PLD5: variants seen among roughly 807,000 people sequenced by gnomAD.
PLD5 encodes phospholipase D family member 5.
A neutral mutation model predicts 61.1 loss-of-function variants in PLD5; 36 were observed. The ratio of observed to expected loss-of-function variants is 0.59; its 90% CI spans 0.45 to 0.78. The LOEUF (loss-of-function observed/expected upper bound fraction) is 0.78. Ranked by LOEUF, PLD5 falls within the 30% of genes least tolerant of loss-of-function variation. The probability of loss-of-function intolerance (pLI) is 0.00; values close to 1 mark genes in which losing one functional copy is unlikely to be tolerated. For synonymous variants in PLD5, 243 were observed against 242.8 expected (o/e 1.00, Z -0.01); for missense variants, 515 against 644.4 (o/e 0.80, Z 2.17).
At chr1:242,118,218 G>T (rs897843203) in intron 6 of PLD5, among the ~76,000 whole-genome samples, 5 of 152,118 alleles carry the variant, frequency 3.3e-5, no homozygotes, top group African/African-American at 1.2e-4. Context: ...CACTTTTTGA[G>T]CCTCTGTTTC....
At chr1:242,250,645 G>A (rs2149080910) in intron 4 of PLD5, among the ~76,000 whole-genome samples, 1 of 152,258 alleles carries the variant, frequency 6.6e-6, no homozygotes, top group Middle Eastern at 3.4e-3. Flanking sequence ...TACTAGTTAT[G>A]TACTACTTTA....
chr1:242,111,628 A>G (rs564872861), intron 7 of PLD5, among the ~76,000 whole-genome samples: 3 of 152,264 alleles, frequency 2.0e-5, no homozygotes, highest in African/African-American at 7.2e-5. Context: ...CTATTTATTA[A>G]AGTTGAATTC....
At chr1:242,139,337 C>T (rs766697361) in intron 5 of PLD5, among the ~76,000 whole-genome samples, 5 of 151,890 alleles carry the variant, frequency 3.3e-5, no homozygotes, top group Non-Finnish European at 7.4e-5. Flanking sequence ...TTATATTGTT[C>T]CAATTCAGAA....
At chr1:242,383,954 C>T (rs11590521) in intron 1 of PLD5, among the ~76,000 whole-genome samples, 65,685 of 152,006 alleles carry the variant, frequency 0.43, 14,624 homozygotes, top group East Asian at 0.59. Context: ...CTTCCACTGT[C>T]ACCTCAGGCT....
chr1:242,125,445 G>GTTT (rs1662708259), intron 5 of PLD5, among the ~76,000 whole-genome samples: 1 of 152,034 alleles, frequency 6.6e-6, no homozygotes, highest in Non-Finnish European at 1.5e-5. Context: ...TTTAGTCAGT[G>GTTT]GTAAATTAAG....
intron 4 of PLD5, among the ~76,000 whole-genome samples, chr1:242,245,501 C>T (rs76752543): frequency 0.081 from 12,348 of 152,230 alleles, 625 homozygotes; most frequent in East Asian, 0.16. Context: ...GCGTAGGCTC[C>T]TTGGAGAAAG....
intron 5 of PLD5, among the ~76,000 whole-genome samples, chr1:242,199,145 C>T (rs1443050099): frequency 2.0e-5 from 3 of 152,034 alleles, no homozygotes; most frequent in Non-Finnish European, 4.4e-5. Flanking sequence ...TTTTATGTGG[C>T]GGTTGGAAAA....
chr1:242,480,838 G>C (rs550952091), intron 1 of PLD5, among the ~76,000 whole-genome samples: 10 of 152,166 alleles, frequency 6.6e-5, no homozygotes, highest in African/African-American at 2.4e-4. Flanking sequence ...AATTAATGAA[G>C]GCTCTACATA....
intron 3 of PLD5, among the ~76,000 whole-genome samples, chr1:242,272,092 C>A (rs1467188447): frequency 6.6e-6 from 1 of 152,070 alleles, no homozygotes; most frequent in Non-Finnish European, 1.5e-5. Flanking sequence ...AAATGCTGAT[C>A]TACAATCAAC....
intron 1 of PLD5, among the ~76,000 whole-genome samples, chr1:242,508,235 T>C (rs1668791586): frequency 6.6e-6 from 1 of 151,246 alleles, no homozygotes; most frequent in East Asian, 1.9e-4. Flanking sequence ...TAGCTGGGCA[T>C]GGTGGTGGGC....
At chr1:242,484,067 G>C in intron 1 of PLD5, among the ~76,000 whole-genome samples, 1 of 152,206 alleles carries the variant, frequency 6.6e-6, no homozygotes, top group Non-Finnish European at 1.5e-5. Flanking sequence ...GCCATGTGTA[G>C]AGGGAAATTT....
chr1:242,102,659 C>A (rs116431166), intron 8 of PLD5, among the ~76,000 whole-genome samples: 1,524 of 152,254 alleles, frequency 0.01, 22 homozygotes, highest in African/African-American at 0.035. Flanking sequence ...TGTCAGTGCT[C>A]CCAGGCTCCT....
At chr1:242,495,072 C>T (rs539846241) in intron 1 of PLD5, among the ~76,000 whole-genome samples, 9 of 152,134 alleles carry the variant, frequency 5.9e-5, no homozygotes, top group African/African-American at 2.2e-4. Flanking sequence ...ACAAGCACAC[C>T]ACTTAACCAA....
intron 2 of PLD5, among the ~76,000 whole-genome samples, chr1:242,302,303 A>G (rs1198983466): frequency 6.6e-6 from 1 of 152,186 alleles, no homozygotes; most frequent in Non-Finnish European, 1.5e-5. Flanking sequence ...TTGCGTTCCC[A>G]TGATTGGTTG....
intron 2 of PLD5, among the ~76,000 whole-genome samples, chr1:242,311,344 T>C (rs543190512): frequency 2.6e-5 from 4 of 152,330 alleles, no homozygotes; most frequent in African/African-American, 7.2e-5. Context: ...GTGTAATGGT[T>C]AAGAGCAGTT....
chr1:242,226,756 G>C (rs76237500), intron 4 of PLD5, among the ~76,000 whole-genome samples: 2 of 152,198 alleles, frequency 1.3e-5, no homozygotes, highest in Non-Finnish European at 2.9e-5. Flanking sequence ...AGCTTTAACA[G>C]AGACGCTTCA....
In PLD5 at chr1:242,087,166, G is replaced by T. The variant is rs1659513549; in HGVS notation, c.*2688C>A. 1 of 152,152 alleles carries T rather than the reference G, an allele frequency of 6.6e-6. No homozygotes were observed. The highest frequency in any genetic ancestry group is 1.5e-5 in the Non-Finnish European group (1 of 68,052). The allele number at this position is 152,152 out of a possible 1,614,324, so 9.4% of individuals were successfully genotyped here. A position where few individuals can be genotyped will look rare whatever the true frequency, so the allele number is the denominator to read the frequency against. ...TCTTGGTATGGGGGTCACTTTTCTG[G>T]CTGCCACAGAAGGACAGTGTGGCCC... is the stretch of plus-strand genomic sequence containing the variant. On this transcript the variant is annotated 3_prime_UTR_variant, in exon 10 of 10. Transcript: ENST00000536534.
Position 242,089,063 on chromosome 1 carries a change from T to TC in PLD5, c.*790_*791insG, listed in dbSNP as rs1484234168. The TC allele has an allele frequency of 2.6e-5, 9 of 352,632 alleles. No individual in the cohort carries two copies. Among genetic ancestry groups the TC allele is most frequent in the Non-Finnish European group, 3.5e-5 (7 of 197,742 alleles). The allele number at this position is 352,632 out of a possible 1,614,324, so 21.8% of individuals were successfully genotyped here. On this transcript the variant is annotated 3_prime_UTR_variant, in exon 10 of 10. Coordinates refer to ENST00000536534, the MANE Select transcript of PLD5 (RefSeq NM_001372062.1). ...ATTTTTCTGAGCTTGAGAGAAAGGA[T>TC]ACATATTGCTGACTGTGATTTTTTT...
rs752113161 is a variant in PLD5 at position 242,241,869 on chromosome 1, CTATATATATATATATATATATATATA to C, written c.608-21780_608-21755del. On this transcript the variant is annotated intron_variant, in intron 4 of 9. Coordinates refer to ENST00000536534, the MANE Select transcript of PLD5 (RefSeq NM_001372062.1). ...AAGAAGAAAGAACTTGCTTTACTTA[CTATATATATATATATATATATATATA>C]TATATATATATATATACTTACTGTA... 7.8e-4 allele frequency among the ~76,000 whole-genome samples: 55 copies of C among 70,838 alleles called. 1 individual carries two copies. The highest frequency in any genetic ancestry group is 2.5e-3 in the Admixed American group (14 of 5,592). The allele number at this position is 70,838 out of a possible 152,430, so 46.5% of individuals were successfully genotyped here.
Sources: allele counts gnomAD v4.1 joint callset (sites outside exome capture counted in the v4.1 genomes callset), GRCh38; gene constraint gnomAD v4.1.1; transcripts MANE v1.5; gene names NCBI Gene and HGNC (gene_info 2026-07-23, HGNC 2026-07-21).